POPDC3: variants seen among roughly 807,000 people sequenced by gnomAD.
POPDC3 encodes popeye domain cAMP effector 3, also known as popeye domain-containing protein 3.
In POPDC3, 20 loss-of-function variants were observed where a neutral mutation model predicts 28.2. The observed-to-expected ratio is 0.71, with a 90% CI of 0.50 to 1.03. The LOEUF is 1.03. POPDC3 is among the 50% of genes least tolerant of loss of function. POPDC3 has a pLI of 0.00. For synonymous variants in POPDC3, 118 were observed against 124.1 expected (o/e 0.95, Z 0.33); for missense variants, 316 against 345.9 (o/e 0.91, Z 0.69).
At chr6:105,166,856 G>A (rs1358410675) in intron 1 of POPDC3, among the ~76,000 whole-genome samples, 1 of 119,470 alleles carries the variant, frequency 8.4e-6, no homozygotes, top group African/African-American at 2.9e-5. Flanking sequence ...TTAAAAAAAT[G>A]AACATAGATG....
chr6:105,163,136 AAT>A (rs1774381610), intron 1 of POPDC3, among the ~76,000 whole-genome samples: 1 of 152,260 alleles, frequency 6.6e-6, no homozygotes, highest in Admixed American at 6.5e-5. Context: ...TGACTATGGA[AAT>A]ATTTAATAAA....
chr6:105,177,504 C>T (rs1445055782), intron 1 of POPDC3, among the ~76,000 whole-genome samples: 1 of 152,210 alleles, frequency 6.6e-6, no homozygotes, highest in African/African-American at 2.4e-5. Flanking sequence ...ATCTACAGTT[C>T]AGCTGCAATT....
chr6:105,159,764 G>C lies in POPDC3; in HGVS notation c.541C>G (p.Leu181Val). 1 of 1,613,746 alleles carries C rather than the reference G, an allele frequency of 6.2e-7. No individual in the cohort carries two copies. Among genetic ancestry groups the C allele is most frequent in the Non-Finnish European group, 8.5e-7 (1 of 1,179,820 alleles). The change falls in exon 3 of 4, where the codon CTG (leucine) becomes GTG (valine). Residue 181 changes from leucine to valine, a missense_variant. By Grantham distance (32) the Leu-to-Val change is conservative. Coordinates refer to ENST00000254765, the MANE Select transcript of POPDC3 (RefSeq NM_022361.5). ...FLHYIFPLQF[L>V]DSPEWDSLRP... The stretch of plus-strand genomic sequence containing the variant: ...AGTGAATCCCACTCAGGAGAATCCA[G>C]GAACTGAAGGGGGAAAATGTAATGC...
At chr6:105,167,313 G>A (rs1350428939) in intron 1 of POPDC3, among the ~76,000 whole-genome samples, 1 of 152,174 alleles carries the variant, frequency 6.6e-6, no homozygotes, top group African/African-American at 2.4e-5. Flanking sequence ...CAGAGGATAA[G>A]GGGTAGGATA....
intron 1 of POPDC3, among the ~76,000 whole-genome samples, chr6:105,173,270 A>G (rs1314654855): frequency 6.6e-6 from 1 of 152,222 alleles, no homozygotes; most frequent in East Asian, 1.9e-4. Context: ...ATAAATTCCA[A>G]ACAGAATGTT....
chr6:105,163,339 G>T (rs978288893), intron 1 of POPDC3, among the ~76,000 whole-genome samples: 2 of 151,980 alleles, frequency 1.3e-5, no homozygotes, highest in Non-Finnish European at 2.9e-5. Context: ...TCAGCCATAT[G>T]GTGGAAATGC....
At chr6:105,178,620 G>T (rs1012622203) in intron 1 of POPDC3, 17 of 463,782 alleles carry the variant, frequency 3.7e-5, no homozygotes, top group Non-Finnish European at 4.8e-5. Context: ...AGATTTTTCA[G>T]GACAGAACCT....
intron 1 of POPDC3, chr6:105,166,625 T>G: frequency 2.1e-6 from 1 of 471,186 alleles, no homozygotes; most frequent in Non-Finnish European, 4.4e-6. Context: ...TTCCGTACAC[T>G]CATCAGTCCA....
intron 1 of POPDC3, among the ~76,000 whole-genome samples, chr6:105,178,075 A>C (rs1183821569): frequency 6.6e-6 from 1 of 152,240 alleles, no homozygotes; most frequent in South Asian, 2.1e-4. Context: ...TATTAATTGG[A>C]GGGACATTCT....
chr6:105,164,268 T>C (rs541072973), intron 1 of POPDC3, among the ~76,000 whole-genome samples: 4 of 152,206 alleles, frequency 2.6e-5, no homozygotes, highest in Non-Finnish European at 5.9e-5. Flanking sequence ...AAAACGTTCG[T>C]GGCAATTCAG....
chr6:105,177,851 T>A (rs1774709537), intron 1 of POPDC3, among the ~76,000 whole-genome samples: 1 of 152,246 alleles, frequency 6.6e-6, no homozygotes, highest in African/African-American at 2.4e-5. Context: ...GCTAAAAGTC[T>A]GTGTGAATCA....
chr6:105,179,248 G>T (rs989457154), intron 1 of POPDC3: 11 of 985,216 alleles, frequency 1.1e-5, no homozygotes, highest in African/African-American at 1.7e-5. Flanking sequence ...AGGTCCGCGC[G>T]ACCTTTGATG....
At chr6:105,172,531 A>G (rs1451495731) in intron 1 of POPDC3, among the ~76,000 whole-genome samples, 1 of 150,618 alleles carries the variant, frequency 6.6e-6, no homozygotes, top group East Asian at 1.9e-4. Flanking sequence ...CCATCCCATT[A>G]CTGGGTATAT....
intron 1 of POPDC3, chr6:105,168,940 A>C (rs1774517672): frequency 6.6e-6 from 1 of 152,220 alleles, no homozygotes; most frequent in African/African-American, 2.4e-5. Context: ...CCATCTGAGA[A>C]GCTTGGAAGA....
At position 105,162,592 on chromosome 6, in the gene POPDC3, C is replaced by T. The variant is rs191424128; in HGVS notation, c.-251-432G>A. On this transcript the variant is annotated intron_variant, in intron 1 of 3. Coordinates refer to ENST00000254765, the MANE Select transcript of POPDC3 (RefSeq NM_022361.5). Reference sequence around the variant, plus strand: ...ACTAAAAATAGAAAAATTACCCAGGCGTGGTGGCGTGCGCCTGGGATCCCA... The same window carrying T: ...ACTAAAAATAGAAAAATTACCCAGGTGTGGTGGCGTGCGCCTGGGATCCCA... 4.6e-5 allele frequency among the ~76,000 whole-genome samples: 7 copies of T among 152,250 alleles called. No homozygotes were observed. In the East Asian group the frequency reaches 5.8e-4, roughly 13 times the overall value.
rs559496565 is a variant in POPDC3 at position 105,172,588 on chromosome 6, T to C, written c.-252+7245A>G. On this transcript the variant is annotated intron_variant, in intron 1 of 3. Coordinates refer to ENST00000254765, the MANE Select transcript of POPDC3 (RefSeq NM_022361.5). ...GCTGCTATAAAGACACATGCACACA[T>C]ATGTTTATTGCGTCACTATTCACAA... is the stretch of plus-strand genomic sequence containing the variant. Among the ~76,000 whole-genome samples the C allele has an allele frequency of 2.7e-5, 4 of 150,858 alleles. No homozygotes were observed. The South Asian group carries it at 8.4e-4, about 32-fold the overall frequency.
At chr6:105,173,150 G>A (rs1192517368) in intron 1 of POPDC3, among the ~76,000 whole-genome samples, 1 of 152,170 alleles carries the variant, frequency 6.6e-6, no homozygotes, top group Non-Finnish European at 1.5e-5. Flanking sequence ...ATCTGACCAA[G>A]TATTGATCAA....
intron 1 of POPDC3, chr6:105,166,775 T>C (rs2114535624): frequency 2.9e-6 from 1 of 341,270 alleles, no homozygotes; most frequent in East Asian, 8.1e-5. Flanking sequence ...ATACTGACCA[T>C]TATGTATATT....
chr6:105,178,348 A>G (rs961304239), intron 1 of POPDC3, among the ~76,000 whole-genome samples: 1 of 152,194 alleles, frequency 6.6e-6, no homozygotes, highest in Admixed American at 6.5e-5. Context: ...TTGTGGTGAA[A>G]AGTATGGGAC....
Sources: allele counts gnomAD v4.1 joint callset (sites outside exome capture counted in the v4.1 genomes callset), GRCh38; gene constraint gnomAD v4.1.1; transcripts MANE v1.5; gene names NCBI Gene and HGNC (gene_info 2026-07-23, HGNC 2026-07-21).